Variants in ACIN1 observed in about 807,000 individuals in gnomAD.
ACIN1 encodes the protein apoptotic chromatin condensation inducer 1.
Under a neutral mutation model 146.6 loss-of-function variants are expected in ACIN1, and 16 were observed. That is an observed-to-expected ratio of 0.11 (90% CI 0.07 to 0.17). The LOEUF is 0.17. Among genes scored for constraint, ACIN1 ranks in the 10% least tolerant of loss-of-function variants. The pLI, the probability that ACIN1 is intolerant of heterozygous loss-of-function variation, is 1.00. For missense variants in ACIN1, 1,357 were observed against 1,609.3 expected, an observed-to-expected ratio of 0.84 and a Z score of 2.68; for synonymous variants, 569 against 582.7, an observed-to-expected ratio of 0.98 and a Z score of 0.34.
At chr14:23,093,436 A>T in intron 2 of ACIN1, 43 bp downstream of exon 2, 1 of 1,561,140 alleles carries the variant, frequency 6.4e-7, no homozygotes, top group Admixed American at 1.7e-5. Flanking sequence ...ATGTGTCTGG[A>T]TATCCAAAGG....
At chr14:23,075,419 GTT>G (rs1354112879) in intron 8 of ACIN1, among the ~76,000 whole-genome samples, 1 of 149,016 alleles carries the variant, frequency 6.7e-6, no homozygotes, top group Non-Finnish European at 1.5e-5. Context: ...GAAGACCAGA[GTT>G]TTGAACAGCA....
At chr14:23,066,914 A>G (rs2047476163) in intron 9 of ACIN1, among the ~76,000 whole-genome samples, 2 of 152,130 alleles carry the variant, frequency 1.3e-5, no homozygotes, top group Non-Finnish European at 2.9e-5. Flanking sequence ...GAAAAAGGGA[A>G]TAGAGTATTT....
rs753754850 is a variant in ACIN1, at chr14:23,094,960, A to G, written c.138+15T>C. On this transcript the variant is annotated intron_variant, in intron 1 of 18. Coordinates refer to ENST00000605057, the MANE Select transcript of ACIN1 (RefSeq NM_001386863.1). ...TCCGCTCTCCTCCGACACCCCAGCAACGCCGACTCCTCACCCCTTTGAGCC... is the reference window on the plus strand; with the variant it reads ...TCCGCTCTCCTCCGACACCCCAGCAGCGCCGACTCCTCACCCCTTTGAGCC... 3 of 1,577,714 alleles carry G rather than the reference A, an allele frequency of 1.9e-6. No homozygotes were observed. Among genetic ancestry groups the G allele is most frequent in the Non-Finnish European group, 1.7e-6 (2 of 1,165,852 alleles).
chr14:23,095,076 G>C lies in ACIN1; in HGVS notation c.37C>G (p.Pro13Ala). ...TCGGTCACCCGCAGCGCCTGAAGAG[G>C]CTTCCCGTCCAGAGTCACCTCCTCC... The part of the protein sequence containing the change: ...ELEEVTLDGK[P>A]LQALRVTDLK... The change falls in exon 1 of 19, where the codon CCT becomes GCT. Residue 13 changes from proline (P) to alanine (A), a missense_variant. This residue lies in a region of ACIN1 where 22 missense variants were observed against 19.1 expected (regional missense o/e 1.15). Coordinates refer to ENST00000605057, the MANE Select transcript of ACIN1 (RefSeq NM_001386863.1). 6.2e-7 allele frequency: 1 copy of C among 1,614,120 alleles called. No individual in the cohort carries two copies. The highest frequency in any genetic ancestry group is 8.5e-7 in the Non-Finnish European group (1 of 1,180,026).
At position 23,059,101 on chromosome 14, in the gene ACIN1, C is replaced by T; in HGVS notation, c.*47G>A. 3.2e-6 allele frequency: 5 copies of T among 1,585,634 alleles called. No homozygotes were observed. Among genetic ancestry groups the T allele is most frequent in the Non-Finnish European group, 4.3e-6 (5 of 1,162,000 alleles). On this transcript the variant is annotated 3_prime_UTR_variant, in exon 19 of 19. Coordinates refer to ENST00000605057, the MANE Select transcript of ACIN1 (RefSeq NM_001386863.1). ...GTGCCTATCCCTCTGTGGCCATAAC[C>T]CCCTGGGGCCGAGTGGCTGGTACCT...
Position 23,058,851 on chromosome 14 carries a change from G to C in ACIN1, c.*297C>G, listed in dbSNP as rs2047177132. The C allele has an allele frequency of 4.4e-6, 2 of 455,714 alleles. No homozygotes were observed. Among genetic ancestry groups the C allele is most frequent in the East Asian group, 7.3e-5 (2 of 27,552 alleles). The allele number at this position is 455,714 out of a possible 1,614,324, so 28.2% of individuals were successfully genotyped here. On this transcript the variant is annotated 3_prime_UTR_variant, in exon 19 of 19. Transcript: ENST00000605057. ...TAAGCAGGATGGAGGAAAAATCAGAGGACTGGGGCACCTGGCTGTTCCCCA... is the reference window on the plus strand; with the variant it reads ...TAAGCAGGATGGAGGAAAAATCAGACGACTGGGGCACCTGGCTGTTCCCCA...
chr14:23,093,555 G>A lies in ACIN1; in HGVS notation c.139-11C>T. 1 of 1,612,862 alleles carries A rather than the reference G, an allele frequency of 6.2e-7. No individual in the cohort carries two copies. Among genetic ancestry groups the A allele is most frequent in the Non-Finnish European group, 8.5e-7 (1 of 1,178,954 alleles). The stretch of plus-strand genomic sequence containing the variant: ...TTCTAGCATTAGAGCCTGGTATAGA[G>A]AAGGGTAAAAGTCAGAAATGATGAG... On this transcript the variant is annotated splice_polypyrimidine_tract_variant and intron_variant, in intron 1 of 18. Transcript: ENST00000605057.
chr14:23,094,722 G>C (rs937488349), intron 1 of ACIN1: 4 of 666,122 alleles, frequency 6.0e-6, no homozygotes, highest in African/African-American at 5.5e-5. Flanking sequence ...AAGGAGGAAG[G>C]AGCTTAAGAC....
At chr14:23,081,710 T>C in intron 5 of ACIN1, 38 bp downstream of exon 5, 1 of 1,502,210 alleles carries the variant, frequency 6.7e-7, no homozygotes, top group Non-Finnish European at 9.1e-7. Context: ...TCCAAAGCAT[T>C]ACTGAAGAGG....
chr14:23,059,963 T>TC (rs1395759793), intron 18 of ACIN1, among the ~76,000 whole-genome samples: 1 of 144,414 alleles, frequency 6.9e-6, no homozygotes, highest in Non-Finnish European at 1.5e-5. Context: ...CCAGTTTTTT[T>TC]TTTTTTTTTT....
At position 23,069,718 on chromosome 14, in the gene ACIN1, C is replaced by T. The variant is rs528513637; in HGVS notation, c.2124-101G>A. The T allele has an allele frequency of 1.1e-5, 13 of 1,140,198 alleles. No homozygotes were observed. In the South Asian group the frequency reaches 1.8e-4, roughly 16 times the overall value. 70.6% of individuals were successfully genotyped at this position (1,140,198 alleles called of 1,614,324 possible). The stretch of plus-strand genomic sequence containing the variant: ...ACTGGGTCAGGAAACCCTCCTGCCT[C>T]ATCACTTGGGTGGGATTAGGAGGGC... On this transcript the variant is annotated intron_variant, in intron 8 of 18. Coordinates refer to ENST00000605057, the MANE Select transcript of ACIN1 (RefSeq NM_001386863.1).
intron 1 of ACIN1, chr14:23,094,408 C>A (rs2048312826): frequency 1.1e-6 from 1 of 931,468 alleles, no homozygotes; most frequent in African/African-American, 1.8e-5. Context: ...AAACTCTTAA[C>A]CACCCAAATT....
chr14:23,071,624 GA>G, intron 8 of ACIN1: 10 of 1,459,020 alleles, frequency 6.9e-6, no homozygotes, highest in Middle Eastern at 4.8e-4. Flanking sequence ...GGAGGGGAAA[GA>G]AAAGAGGGAG....
chr14:23,059,877 G>C (rs937847844), intron 18 of ACIN1, among the ~76,000 whole-genome samples: 3 of 151,150 alleles, frequency 2.0e-5, no homozygotes, highest in African/African-American at 7.3e-5. Context: ...GGATGGTCTT[G>C]ATCTCCTGAC....
intron 5 of ACIN1, among the ~76,000 whole-genome samples, chr14:23,081,173 G>T (rs906808392): frequency 6.6e-6 from 1 of 151,568 alleles, no homozygotes; most frequent in African/African-American, 2.4e-5. Flanking sequence ...TATCATTTTG[G>T]TATATTTCTT....
At position 23,061,098 on chromosome 14, in the gene ACIN1, G is replaced by A; in HGVS notation, c.3511C>T (p.Leu1171=). 6.2e-7 allele frequency: 1 copy of A among 1,614,050 alleles called. No homozygotes were observed. The highest frequency in any genetic ancestry group is 8.5e-7 in the Non-Finnish European group (1 of 1,180,030). ...KAAPCIYWLP[L]TDSQIVQKEA... ...AGAGCACTCACCTGGCTGTCAGTCA[G>A]TGGGAGCCAATAGATGCAGGGAGCT... The change falls in exon 18 of 19, where the codon CTG becomes TTG. Residue 1171 remains leucine (L), a synonymous_variant. Coordinates refer to ENST00000605057, the MANE Select transcript of ACIN1 (RefSeq NM_001386863.1).
Position 23,080,319 on chromosome 14 carries a change from T to C in ACIN1, c.1016A>G (p.Lys339Arg), listed in dbSNP as rs775272754. 1.2e-6 allele frequency: 2 copies of C among 1,614,196 alleles called. No individual in the cohort carries two copies. Among genetic ancestry groups the C allele is most frequent in the South Asian group, 1.1e-5 (1 of 91,086 alleles). The change falls in exon 6 of 19, where the codon AAG becomes AGG. Residue 339 changes from lysine to arginine, a missense_variant. This residue lies in a region of ACIN1 where 771 missense variants were observed against 746.6 expected (regional missense o/e 1.03). Transcript: ENST00000605057. ...PSPPRLTEDR[K>R]KASLVALPEQ... ...TGGCAGCGCTACAAGTGAGGCCTTC[T>C]TTCGATCTTCAGTCAGTCGAGGAGG...
chr14:23,089,906 A>C, intron 4 of ACIN1, 76 bp downstream of exon 4: 1 of 1,420,750 alleles, frequency 7.0e-7, no homozygotes. Context: ...GCTTAGCATG[A>C]AAGGAGGTGT....
chr14:23,093,366 A>G (rs1367656224), intron 2 of ACIN1, 113 bp downstream of exon 2: 2 of 1,089,170 alleles, frequency 1.8e-6, no homozygotes, highest in South Asian at 1.4e-5. Context: ...TCTGACTAAG[A>G]GAACTTAGGA....
Sources: allele counts gnomAD v4.1 joint callset (sites outside exome capture counted in the v4.1 genomes callset), GRCh38; gene constraint gnomAD v4.1.1; regional missense constraint gnomAD v4.1.1; transcripts MANE v1.5; gene names NCBI Gene and HGNC (gene_info 2026-07-23, HGNC 2026-07-21).